ABCA12: variants seen among roughly 807,000 people sequenced by gnomAD.
ABCA12 encodes ATP binding cassette subfamily A member 12.
Under a neutral mutation model 293.5 loss-of-function variants are expected in ABCA12, and 156 were observed. The observed-to-expected ratio is 0.53, with a 90% confidence interval of 0.47 to 0.61. The LOEUF is 0.61. Ranked by LOEUF, ABCA12 falls within the 20% of genes least tolerant of loss-of-function variation. ABCA12 has a pLI of 0.00. For missense variants in ABCA12, 2,797 were observed against 3,090.2 expected (o/e 0.91, Z 2.25); for synonymous variants, 1,063 against 1,108.0 (o/e 0.96, Z 0.81).
intron 33 of ABCA12, 77 bp from the exon 34 acceptor site, chr2:214,976,114 A>G: frequency 3.2e-6 from 5 of 1,557,360 alleles, no homozygotes; most frequent in Non-Finnish European, 4.4e-6. Context: ...AACTATATAT[A>G]AATGGTATAA....
chr2:215,000,340 G>T lies in ABCA12; in HGVS notation c.3179+365C>A, dbSNP rs148150989. ...ATTTGGGAGTTGGAAGGGATTTTAAGATCGTCTTGTTCATCCCTTTCATTT... is the reference window on the plus strand; with the variant it reads ...ATTTGGGAGTTGGAAGGGATTTTAATATCGTCTTGTTCATCCCTTTCATTT... On this transcript the variant is annotated intron_variant, in intron 22 of 52. Coordinates refer to ENST00000272895, the MANE Select transcript of ABCA12 (RefSeq NM_173076.3). Among the ~76,000 whole-genome samples, 13 of 152,234 alleles carry T rather than the reference G, an allele frequency of 8.5e-5. No individual in the cohort carries two copies. The East Asian group carries it at 2.5e-3, about 29-fold the overall frequency.
intron 30 of ABCA12, among the ~76,000 whole-genome samples, chr2:214,980,865 G>C (rs903168289): frequency 6.6e-6 from 1 of 152,170 alleles, no homozygotes; most frequent in East Asian, 1.9e-4. Flanking sequence ...TTAGGAGGTT[G>C]AGGCGGGCAG....
intron 2 of ABCA12, among the ~76,000 whole-genome samples, chr2:215,067,712 C>T (rs906716547): frequency 6.6e-6 from 1 of 152,084 alleles, no homozygotes; most frequent in East Asian, 1.9e-4. Flanking sequence ...CAGTGAGGAG[C>T]CAGCCACTCA....
chr2:215,005,699 C>T (rs1700238827), intron 19 of ABCA12, among the ~76,000 whole-genome samples: 1 of 151,942 alleles, frequency 6.6e-6, no homozygotes, highest in African/African-American at 2.4e-5. Flanking sequence ...TCCCATCACT[C>T]CTTTTACAAT....
chr2:215,086,794 T>A (rs1264763961), intron 2 of ABCA12, among the ~76,000 whole-genome samples: 1 of 152,182 alleles, frequency 6.6e-6, no homozygotes, highest in Non-Finnish European at 1.5e-5. Flanking sequence ...CTTTTGTGCA[T>A]GCTTGCAAAT....
chr2:215,068,029 G>T (rs1475151436), intron 2 of ABCA12, among the ~76,000 whole-genome samples: 2 of 152,138 alleles, frequency 1.3e-5, no homozygotes, highest in African/African-American at 2.4e-5. Context: ...GATCAATTTT[G>T]ATTTTCCTTT....
At chr2:214,983,351 C>T (rs1295636831) in intron 29 of ABCA12, among the ~76,000 whole-genome samples, 1 of 152,038 alleles carries the variant, frequency 6.6e-6, no homozygotes, top group Non-Finnish European at 1.5e-5. Flanking sequence ...TGAGTGAAAT[C>T]CAAGAATCCA....
intron 2 of ABCA12, among the ~76,000 whole-genome samples, chr2:215,074,779 T>TA (rs1193615035): frequency 6.6e-6 from 1 of 151,818 alleles, no homozygotes; most frequent in Non-Finnish European, 1.5e-5. Flanking sequence ...CCCTCTCTAC[T>TA]AAAAATACAA....
chr2:215,028,252 AAAG>A (rs1302405798), intron 9 of ABCA12, among the ~76,000 whole-genome samples: 1 of 152,234 alleles, frequency 6.6e-6, no homozygotes, highest in Non-Finnish European at 1.5e-5. Context: ...CATCAATATT[AAAG>A]AAGACTCAGG....
intron 1 of ABCA12, among the ~76,000 whole-genome samples, chr2:215,117,078 G>T (rs767136176): frequency 7.2e-5 from 11 of 152,070 alleles, no homozygotes; most frequent in Non-Finnish European, 1.5e-4. Flanking sequence ...AGTATCTGGG[G>T]GTAATGGAGC....
At chr2:215,078,014 T>C (rs1033756138) in intron 2 of ABCA12, among the ~76,000 whole-genome samples, 1 of 152,228 alleles carries the variant, frequency 6.6e-6, no homozygotes, top group Admixed American at 6.5e-5. Flanking sequence ...ACCTAATTTA[T>C]TTAAACGATA....
chr2:215,007,703 T>C lies in ABCA12; in HGVS notation c.2592+24A>G, dbSNP rs368174601. The C allele has an allele frequency of 8.1e-4, 1,313 of 1,613,602 alleles. 1 individual carries two copies. Among genetic ancestry groups the C allele is most frequent in the Non-Finnish European group, 9.5e-4 (1,125 of 1,179,770 alleles). On this transcript the variant is annotated intron_variant, in intron 19 of 52. Coordinates refer to ENST00000272895, the MANE Select transcript of ABCA12 (RefSeq NM_173076.3). ...TCAAAGAATTCAAATTCCTACTAAG[T>C]TGAATGACAGAAGCATCTCATACCT... is the stretch of plus-strand genomic sequence containing the variant.
At chr2:214,998,786 A>T in intron 22 of ABCA12, among the ~76,000 whole-genome samples, 1 of 152,148 alleles carries the variant, frequency 6.6e-6, no homozygotes, top group South Asian at 2.1e-4. Flanking sequence ...TGGTCCAGAG[A>T]CCACACCTTA....
At chr2:215,134,510 G>GTA (rs573499748) in intron 1 of ABCA12, among the ~76,000 whole-genome samples, 1 of 93,412 alleles carries the variant, frequency 1.1e-5, no homozygotes, top group African/African-American at 5.7e-5. Context: ...ATATGCGTAT[G>GTA]TATATGTGTA....
At chr2:215,121,148 A>G (rs2105908248) in intron 1 of ABCA12, among the ~76,000 whole-genome samples, 1 of 152,326 alleles carries the variant, frequency 6.6e-6, no homozygotes, top group East Asian at 1.9e-4. Context: ...GTGACTAAAT[A>G]AGCTTTTCTT....
At chr2:215,013,972 G>C (rs1328463430) in intron 15 of ABCA12, among the ~76,000 whole-genome samples, 1 of 152,156 alleles carries the variant, frequency 6.6e-6, no homozygotes, top group Non-Finnish European at 1.5e-5. Flanking sequence ...CTTGAGGTCA[G>C]GAGTTCAAGA....
chr2:214,975,895 A>G lies in ABCA12; in HGVS notation c.5271T>C (p.Phe1757=). The change falls in exon 34 of 53, where the codon TTT becomes TTC. Residue 1757 remains phenylalanine (F), a synonymous_variant. Coordinates refer to ENST00000272895, the MANE Select transcript of ABCA12 (RefSeq NM_173076.3). ...LIAQVILPIV[F]VTTAMGLGTL... is the part of the protein sequence containing the mutation. ...TGCCAAGGCCCATGGCAGTGGTAAC[A>G]AAGACGATGGGGAGGATAACCTGAG... 1 of 1,614,148 alleles carries G rather than the reference A, an allele frequency of 6.2e-7. No homozygotes were observed. The highest frequency in any genetic ancestry group is 2.2e-5 in the East Asian group (1 of 44,880).
intron 38 of ABCA12, among the ~76,000 whole-genome samples, chr2:214,967,910 T>C (rs1699301025): frequency 6.6e-6 from 1 of 152,148 alleles, no homozygotes; most frequent in African/African-American, 2.4e-5. Context: ...ATGACTACCA[T>C]TGATCACATA....
At chr2:215,051,821 T>C (rs569411439) in intron 5 of ABCA12, among the ~76,000 whole-genome samples, 3 of 152,142 alleles carry the variant, frequency 2.0e-5, no homozygotes, top group East Asian at 3.9e-4. Flanking sequence ...TCTGGCCAGA[T>C]GAAAGACAAT....
Sources: gnomAD v4.1 joint callset for allele counts (sites outside exome capture counted in the v4.1 genomes callset) on GRCh38, gnomAD v4.1.1 for gene constraint, MANE v1.5 for transcripts, NCBI Gene and HGNC (gene_info 2026-07-23, HGNC 2026-07-21) for gene names.